GRIA4: variants seen among roughly 807,000 people sequenced by gnomAD.
GRIA4 encodes the protein glutamate ionotropic receptor AMPA type subunit 4, also known as glutamate receptor 4.
GRIA4 carries 34 observed loss-of-function variants against 104.0 expected under a neutral mutation model. That is an observed-to-expected ratio of 0.33 (90% CI 0.25 to 0.44). GRIA4 has a LOEUF of 0.44. GRIA4 is among the 20% of genes least tolerant of loss of function. The pLI is 1.00. For missense variants in GRIA4, 750 were observed against 1,096.5 expected (o/e 0.68, Z 4.46); for synonymous variants, 386 against 381.9 (o/e 1.01, Z -0.13).
intron 4 of GRIA4, among the ~76,000 whole-genome samples, chr11:105,845,163 G>A (rs1944537610): frequency 6.6e-6 from 1 of 152,162 alleles, no homozygotes; most frequent in South Asian, 2.1e-4. Context: ...GGTCACTGGG[G>A]TTGACTGATG....
rs151150459 is a variant in GRIA4, at chr11:105,776,355, A to G, written c.487+23135A>G. On this transcript the variant is annotated intron_variant, in intron 4 of 16. Transcript: ENST00000282499. ...TTACCAACATACTATGTAGAAAGGA[A>G]TAATCGTATTTTCAAAAAAATTATA... Among the ~76,000 whole-genome samples, 12 of 152,312 alleles carry G rather than the reference A, an allele frequency of 7.9e-5. No individual in the cohort carries two copies. The East Asian group carries it at 1.9e-3, about 24-fold the overall frequency.
intron 14 of GRIA4, among the ~76,000 whole-genome samples, chr11:105,940,837 T>C (rs1424601071): frequency 1.3e-5 from 2 of 150,578 alleles, no homozygotes; most frequent in African/African-American, 2.4e-5. Flanking sequence ...AAAAAAAAGA[T>C]AAAATAGTTT....
chr11:105,641,436 T>A (rs1951355869), intron 3 of GRIA4, among the ~76,000 whole-genome samples: 2 of 152,196 alleles, frequency 1.3e-5, no homozygotes, highest in Admixed American at 1.3e-4. Flanking sequence ...TTCTGCTTAA[T>A]GACTTAGCTA....
At chr11:105,653,102 G>A (rs942241076) in intron 3 of GRIA4, among the ~76,000 whole-genome samples, 4 of 151,996 alleles carry the variant, frequency 2.6e-5, no homozygotes, top group Admixed American at 1.3e-4. Flanking sequence ...TAGTAGAGAC[G>A]GGGTTTCACC....
intron 3 of GRIA4, among the ~76,000 whole-genome samples, chr11:105,688,324 C>A (rs1235997217): frequency 6.6e-6 from 1 of 151,980 alleles, no homozygotes; most frequent in East Asian, 1.9e-4. Flanking sequence ...TTTGGGAGGC[C>A]GAGGCGGGTG....
chr11:105,700,086 T>C lies in GRIA4; in HGVS notation c.248-52895T>C, dbSNP rs1168108302. ...CATATTTATACTGCCCAATAAAGCA[T>C]AGAGATGTGATATTTTATTATATGA... On this transcript the variant is annotated intron_variant, in intron 3 of 16. Transcript: ENST00000282499. Among the ~76,000 whole-genome samples the C allele has an allele frequency of 2.0e-5, 3 of 152,220 alleles. No individual in the cohort carries two copies. The East Asian group carries it at 5.8e-4, about 29-fold the overall frequency.
intron 10 of GRIA4, chr11:105,912,825 A>G: frequency 8.1e-6 from 8 of 984,552 alleles, no homozygotes; most frequent in Non-Finnish European, 9.6e-6. Flanking sequence ...ATTATGAAAG[A>G]AATCCCTTGT....
At position 105,746,880 on chromosome 11, in the gene GRIA4, T is replaced by A. The variant is rs926563816; in HGVS notation, c.248-6101T>A. Among the ~76,000 whole-genome samples the A allele has an allele frequency of 5.9e-5, 9 of 151,734 alleles. No homozygotes were observed. The East Asian group carries it at 1.2e-3, about 20-fold the overall frequency. ...GATTCTCAAGGCCTTGAACCAACAA[T>A]CGGCAAAAAGCTGGAAATGAGATCA... On this transcript the variant is annotated intron_variant, in intron 3 of 16. Coordinates refer to ENST00000282499, the MANE Select transcript of GRIA4 (RefSeq NM_000829.4).
intron 4 of GRIA4, among the ~76,000 whole-genome samples, chr11:105,764,908 G>A (rs373920914): frequency 2.6e-5 from 4 of 152,114 alleles, no homozygotes; most frequent in Admixed American, 6.6e-5. Flanking sequence ...GAACAAGGTA[G>A]ATTTACCCTT....
chr11:105,769,768 C>T (rs1941126634), intron 4 of GRIA4, among the ~76,000 whole-genome samples: 1 of 151,944 alleles, frequency 6.6e-6, no homozygotes, highest in African/African-American at 2.4e-5. Flanking sequence ...CAATGTGACA[C>T]ATGAACAAGT....
rs536282195 is a variant in GRIA4 at position 105,714,672 on chromosome 11, G to A, written c.248-38309G>A. ...CACCAAGACCCTATATTGCTGAAACGAGACAGGCCAATAAAGATATTTATT... is the reference window on the plus strand; with the variant it reads ...CACCAAGACCCTATATTGCTGAAACAAGACAGGCCAATAAAGATATTTATT... On this transcript the variant is annotated intron_variant, in intron 3 of 16. Coordinates refer to ENST00000282499, the MANE Select transcript of GRIA4 (RefSeq NM_000829.4). Among the ~76,000 whole-genome samples, 30 of 152,058 alleles carry A rather than the reference G, an allele frequency of 2.0e-4. No individual in the cohort carries two copies. In the East Asian group the frequency reaches 3.1e-3, roughly 16 times the overall value.
At chr11:105,852,518 G>A (rs921934504) in intron 4 of GRIA4, among the ~76,000 whole-genome samples, 1 of 152,082 alleles carries the variant, frequency 6.6e-6, no homozygotes. Context: ...AACGTTTGCC[G>A]TTAAAAGTAA....
chr11:105,661,409 A>G (rs1952005737), intron 3 of GRIA4, among the ~76,000 whole-genome samples: 1 of 151,756 alleles, frequency 6.6e-6, no homozygotes, highest in South Asian at 2.1e-4. Flanking sequence ...CAAAACAAAT[A>G]AACATAATAC....
intron 9 of GRIA4, 67 bp downstream of exon 9, chr11:105,905,368 T>G: frequency 1.2e-6 from 1 of 857,448 alleles, no homozygotes. Flanking sequence ...ATTTTAAAGG[T>G]GTACAGAAGA....
At chr11:105,908,935 G>A (rs1264810878) in intron 9 of GRIA4, among the ~76,000 whole-genome samples, 1 of 152,072 alleles carries the variant, frequency 6.6e-6, no homozygotes, top group Non-Finnish European at 1.5e-5. Flanking sequence ...GAGTTAACAA[G>A]AATCAACTGA....
intron 5 of GRIA4, among the ~76,000 whole-genome samples, chr11:105,872,563 C>G (rs180746124): frequency 6.6e-6 from 1 of 152,172 alleles, no homozygotes; most frequent in East Asian, 1.9e-4. Flanking sequence ...AGCAAGTATT[C>G]CTCCCTAATG....
intron 3 of GRIA4, among the ~76,000 whole-genome samples, chr11:105,625,642 G>A (rs1303314064): frequency 6.6e-6 from 1 of 152,042 alleles, no homozygotes; most frequent in African/African-American, 2.4e-5. Flanking sequence ...CCACATTCCT[G>A]ACACTCATGA....
At chr11:105,773,166 G>T (rs1333419732) in intron 4 of GRIA4, among the ~76,000 whole-genome samples, 2 of 151,910 alleles carry the variant, frequency 1.3e-5, no homozygotes, top group African/African-American at 2.4e-5. Context: ...CATTAAATGT[G>T]CTTTTCTCCG....
At chr11:105,750,277 C>T (rs1408656106) in intron 3 of GRIA4, among the ~76,000 whole-genome samples, 1 of 152,084 alleles carries the variant, frequency 6.6e-6, no homozygotes, top group Non-Finnish European at 1.5e-5. Context: ...ACAATCTATC[C>T]TCACACACAC....
Sources: allele counts gnomAD v4.1 joint callset (sites outside exome capture counted in the v4.1 genomes callset), GRCh38; gene constraint gnomAD v4.1.1; transcripts MANE v1.5; gene names NCBI Gene and HGNC (gene_info 2026-07-23, HGNC 2026-07-21).